Variants in NFIA observed in about 807,000 individuals in gnomAD.
The protein encoded by NFIA is nuclear factor 1 A-type.
Under a neutral mutation model 62.8 loss-of-function variants are expected in NFIA, and 8 were observed. The ratio of observed to expected loss-of-function variants is 0.13; its 90% CI spans 0.07 to 0.23. The LOEUF (loss-of-function observed/expected upper bound fraction) is 0.23. Ranked by LOEUF, NFIA falls within the 10% of genes least tolerant of loss-of-function variation. NFIA has a pLI of 1.00. For synonymous variants in NFIA, 235 were observed against 238.1 expected, an observed-to-expected ratio of 0.99 and a Z score of 0.12; for missense variants, 410 against 642.1, an observed-to-expected ratio of 0.64 and a Z score of 3.91.
intron 1 of NFIA, among the ~76,000 whole-genome samples, chr1:61,085,725 T>C (rs1646207574): frequency 6.6e-6 from 1 of 152,208 alleles, no homozygotes; most frequent in Non-Finnish European, 1.5e-5. Context: ...AGTAAAGTTA[T>C]ACAAAATATT....
At chr1:61,298,054 C>G (rs1659284895) in intron 3 of NFIA, among the ~76,000 whole-genome samples, 1 of 152,092 alleles carries the variant, frequency 6.6e-6, no homozygotes, top group South Asian at 2.1e-4. Context: ...TGTCCCCACC[C>G]AAATCTCATC....
At chr1:61,332,392 G>T in intron 3 of NFIA, 120 bp from the exon 4 acceptor site, 2 of 901,204 alleles carry the variant, frequency 2.2e-6, no homozygotes, top group Non-Finnish European at 1.7e-6. Context: ...ACCCCAAGGA[G>T]AGCAGAGAAT....
chr1:61,444,501 C>A (rs1052213191), intron 10 of NFIA, among the ~76,000 whole-genome samples: 3 of 152,182 alleles, frequency 2.0e-5, no homozygotes, highest in Non-Finnish European at 4.4e-5. Flanking sequence ...GTAAATGAGG[C>A]TCCGTTATAA....
chr1:61,334,555 GTATATATATATATATATATATATATATA>G (rs56259392), intron 4 of NFIA, among the ~76,000 whole-genome samples: 1,992 of 97,466 alleles, frequency 0.02, 238 homozygotes, highest in African/African-American at 0.064. Context: ...GTGTGTGTGT[GTATATATATATATATATATATATATATA>G]TATATATATA....
chr1:61,092,698 A>C (rs1646341394), intron 2 of NFIA, among the ~76,000 whole-genome samples: 1 of 152,172 alleles, frequency 6.6e-6, no homozygotes, highest in South Asian at 2.1e-4. Context: ...GCCAAAAGAG[A>C]GCTACTCCCA....
rs941037794 is a variant in NFIA at position 61,456,829 on chromosome 1, A to AT, written c.*1509_*1510insT. 5 of 148,486 alleles carry AT rather than the reference A, an allele frequency of 3.4e-5. No homozygotes were observed. The highest frequency in any genetic ancestry group is 7.4e-5 in the Non-Finnish European group (5 of 67,394). The allele number at this position is 148,486 out of a possible 1,614,324, so 9.2% of individuals were successfully genotyped here. ...AACAAAAAACAAAAACAAAAAAAAA[A>AT]CACAAAAAACCACAGAAACAAAAAC... On this transcript the variant is annotated 3_prime_UTR_variant, in exon 11 of 11. Coordinates refer to ENST00000403491, the MANE Select transcript of NFIA (RefSeq NM_001134673.4).
chr1:61,366,182 T>A (rs1663574769), intron 6 of NFIA, among the ~76,000 whole-genome samples: 1 of 152,174 alleles, frequency 6.6e-6, no homozygotes, highest in South Asian at 2.1e-4. Context: ...AGTTAACGAT[T>A]TATACCAGGG....
At chr1:61,101,643 C>T (rs1269100500) in intron 2 of NFIA, among the ~76,000 whole-genome samples, 1 of 152,062 alleles carries the variant, frequency 6.6e-6, no homozygotes, top group Non-Finnish European at 1.5e-5. Context: ...ACAGCCAAGT[C>T]CCAGTAGCAT....
chr1:61,333,269 G>A (rs1458422474), intron 4 of NFIA, among the ~76,000 whole-genome samples: 1 of 152,104 alleles, frequency 6.6e-6, no homozygotes, highest in Non-Finnish European at 1.5e-5. Context: ...AATTTACATG[G>A]TTAAAATTGG....
chr1:61,396,373 T>A (rs1486463643), intron 7 of NFIA, among the ~76,000 whole-genome samples: 1 of 152,074 alleles, frequency 6.6e-6, no homozygotes, highest in Non-Finnish European at 1.5e-5. Flanking sequence ...AGCCTCCAAG[T>A]AGCTGGAATT....
intron 7 of NFIA, among the ~76,000 whole-genome samples, chr1:61,390,350 TG>T (rs995617521): frequency 6.6e-6 from 1 of 150,544 alleles, no homozygotes; most frequent in African/African-American, 2.4e-5. Context: ...AAATACACGA[TG>T]GGAGTTTAGA....
At chr1:61,267,240 G>A (rs1348395985) in intron 2 of NFIA, among the ~76,000 whole-genome samples, 1 of 152,158 alleles carries the variant, frequency 6.6e-6, no homozygotes, top group Non-Finnish European at 1.5e-5. Flanking sequence ...TGGGTGCCGT[G>A]GCTCATGCCT....
chr1:61,416,198 G>A (rs992242963), intron 9 of NFIA, among the ~76,000 whole-genome samples: 4 of 152,112 alleles, frequency 2.6e-5, no homozygotes, highest in African/African-American at 9.7e-5. Flanking sequence ...CTTATCCAGT[G>A]AGAAAGATAT....
intron 2 of NFIA, among the ~76,000 whole-genome samples, chr1:61,093,214 C>T (rs558668562): frequency 1.3e-5 from 2 of 152,006 alleles, no homozygotes; most frequent in African/African-American, 4.8e-5. Context: ...TAGGACTATA[C>T]GTTTTTGTAA....
chr1:61,358,930 A>G (rs1411030840), intron 5 of NFIA, among the ~76,000 whole-genome samples: 1 of 152,176 alleles, frequency 6.6e-6, no homozygotes, highest in African/African-American at 2.4e-5. Context: ...TTGATTGACA[A>G]TAAAAATCAA....
chr1:61,115,255 A>G (rs2100460416), intron 2 of NFIA, among the ~76,000 whole-genome samples: 1 of 152,338 alleles, frequency 6.6e-6, no homozygotes, highest in South Asian at 2.1e-4. Flanking sequence ...TCCTGGGATT[A>G]CAGGTGTGAG....
intron 2 of NFIA, among the ~76,000 whole-genome samples, chr1:61,204,985 G>A (rs899795951): frequency 6.6e-6 from 1 of 152,260 alleles, no homozygotes; most frequent in Admixed American, 6.5e-5. Context: ...TTGTTGAGAA[G>A]GTTTAGCATA....
At chr1:61,234,299 G>A (rs1333014088) in intron 2 of NFIA, among the ~76,000 whole-genome samples, 1 of 150,914 alleles carries the variant, frequency 6.6e-6, no homozygotes, top group South Asian at 2.1e-4. Context: ...CCCGGGAGGC[G>A]GAGGTTGCGG....
chr1:61,106,096 C>A (rs964827818), intron 2 of NFIA, among the ~76,000 whole-genome samples: 3 of 128,734 alleles, frequency 2.3e-5, no homozygotes, highest in African/African-American at 1.0e-4. Flanking sequence ...CTCTCTCTCT[C>A]ATGCATCTAT....
Sources: gnomAD v4.1 joint callset for allele counts (sites outside exome capture counted in the v4.1 genomes callset) on GRCh38, gnomAD v4.1.1 for gene constraint, MANE v1.5 for transcripts, NCBI Gene and HGNC (gene_info 2026-07-23, HGNC 2026-07-21) for gene names.